AGBL1: variants seen among roughly 807,000 people sequenced by gnomAD.
AGBL1 encodes the protein cytosolic carboxypeptidase 4.
A neutral mutation model predicts 118.9 loss-of-function variants in AGBL1; 130 were observed. The observed-to-expected ratio is 1.09, with a 90% CI of 0.95 to 1.26. The LOEUF (loss-of-function observed/expected upper bound fraction) is 1.26. AGBL1 is among the 50% of genes most tolerant of loss of function. AGBL1 has a pLI of 0.00. For missense variants in AGBL1, 1,584 were observed against 1,298.1 expected (o/e 1.22, Z -3.38); for synonymous variants, 555 against 478.9 (o/e 1.16, Z -2.08).
intron 22 of AGBL1, among the ~76,000 whole-genome samples, chr15:86,897,110 C>T (rs946020337): frequency 2.0e-4 from 31 of 152,320 alleles, no homozygotes; most frequent in African/African-American, 7.2e-4. Context: ...ACTGACTCCA[C>T]AGTAGAGAAC....
intron 1 of AGBL1, among the ~76,000 whole-genome samples, chr15:86,139,319 A>G (rs2076930378): frequency 6.6e-6 from 1 of 152,098 alleles, no homozygotes; most frequent in Non-Finnish European, 1.5e-5. Flanking sequence ...CCTCTGTTAT[A>G]CAGATAGAGT....
At position 86,128,795 on chromosome 15, in the gene AGBL1, T is replaced by C. The variant is rs544712114; in HGVS notation, c.52-13209T>C. Among the ~76,000 whole-genome samples the C allele has an allele frequency of 3.3e-5, 5 of 152,324 alleles. No homozygotes were observed. The South Asian group carries it at 6.2e-4, about 19-fold the overall frequency. On this transcript the variant is annotated intron_variant, in intron 1 of 22. Coordinates refer to ENST00000614907, the MANE Select transcript of AGBL1 (RefSeq NM_001386094.1). Reference sequence around the variant, plus strand: ...GCAGAATGAAGGGAACTGGGGTATATGACAATTATAGCTATTAATCTTACC... The same window carrying C: ...GCAGAATGAAGGGAACTGGGGTATACGACAATTATAGCTATTAATCTTACC...
At chr15:86,951,155 TC>T (rs914003199) in intron 23 of AGBL1, among the ~76,000 whole-genome samples, 11 of 152,320 alleles carry the variant, frequency 7.2e-5, no homozygotes, top group Admixed American at 2.6e-4. Context: ...TTTAAATTTT[TC>T]TACCTTCATT....
intron 22 of AGBL1, among the ~76,000 whole-genome samples, chr15:86,674,788 CA>C (rs2085808902): frequency 6.6e-6 from 1 of 151,978 alleles, no homozygotes; most frequent in African/African-American, 2.4e-5. Context: ...CATTACTCAA[CA>C]AAAAACAATG....
At chr15:86,572,904 T>G (rs887131039) in intron 21 of AGBL1, among the ~76,000 whole-genome samples, 1 of 152,238 alleles carries the variant, frequency 6.6e-6, no homozygotes, top group African/African-American at 2.4e-5. Context: ...GTTCAAGTCT[T>G]CAACATTCTT....
chr15:86,650,770 G>A (rs894779030), intron 21 of AGBL1, among the ~76,000 whole-genome samples: 1 of 152,182 alleles, frequency 6.6e-6, no homozygotes, highest in Non-Finnish European at 1.5e-5. Context: ...ACTGTCTAGA[G>A]GCTTCTTTCC....
intron 21 of AGBL1, among the ~76,000 whole-genome samples, chr15:86,555,777 A>G (rs1415476303): frequency 6.6e-6 from 1 of 152,186 alleles, no homozygotes; most frequent in Admixed American, 6.5e-5. Context: ...GCAGATTTTA[A>G]TAAGGACTCC....
At chr15:86,083,527 C>A (rs1388099811) in intron 1 of AGBL1, 4 of 152,254 alleles carry the variant, frequency 2.6e-5, no homozygotes, top group South Asian at 2.1e-4. Context: ...TAGTTAACTT[C>A]TTTTCTCAAC....
At chr15:86,680,303 C>T (rs1438864854) in intron 22 of AGBL1, among the ~76,000 whole-genome samples, 2 of 152,014 alleles carry the variant, frequency 1.3e-5, no homozygotes, top group Non-Finnish European at 2.9e-5. Flanking sequence ...CAGAGAGCAC[C>T]TTAAAAGTAG....
At chr15:86,120,953 G>A (rs1898059992) in intron 1 of AGBL1, among the ~76,000 whole-genome samples, 1 of 151,152 alleles carries the variant, frequency 6.6e-6, no homozygotes, top group African/African-American at 2.4e-5. Flanking sequence ...CTGGAGTGCA[G>A]TGGCATGATC....
Position 86,897,795 on chromosome 15 carries a change from G to A in AGBL1, c.3159-9292G>A, listed in dbSNP as rs761803096. ...TTTTTTTTTTTTTTTTTTGAGACAG[G>A]GAATCACTCTGTCACCCAGGCTGAA... On this transcript the variant is annotated intron_variant, in intron 22 of 22. Coordinates refer to ENST00000614907, the MANE Select transcript of AGBL1 (RefSeq NM_001386094.1). Among the ~76,000 whole-genome samples, 5 of 123,356 alleles carry A rather than the reference G, an allele frequency of 4.1e-5. No individual in the cohort carries two copies. The Admixed American group carries it at 4.6e-4, about 11-fold the overall frequency. 80.9% of individuals were successfully genotyped at this position (123,356 alleles called of 152,430 possible).
chr15:86,864,664 C>A (rs2079600849), intron 22 of AGBL1, among the ~76,000 whole-genome samples: 1 of 152,134 alleles, frequency 6.6e-6, no homozygotes, highest in African/African-American at 2.4e-5. Context: ...TGTCATGACT[C>A]TTTCATGAAT....
chr15:86,800,070 C>G (rs1218363528), intron 22 of AGBL1, among the ~76,000 whole-genome samples: 4 of 151,990 alleles, frequency 2.6e-5, no homozygotes, highest in Admixed American at 2.0e-4. Flanking sequence ...CTTACAGCAG[C>G]CAATATCATG....
rs771574698 is a variant in AGBL1 at position 86,247,827 on chromosome 15, G to C, written c.683G>C (p.Arg228Thr). The change falls in exon 7 of 23, where the codon AGG becomes ACG. Residue 228 changes from arginine to threonine, a missense_variant. Physicochemically the swap from Arg to Thr is moderately conservative, Grantham distance 71. Coordinates refer to ENST00000614907, the MANE Select transcript of AGBL1 (RefSeq NM_001386094.1). The part of the protein sequence containing the change: ...LRHIAALRSG[R>T]EAFLAAQGME... ...CACATTGCTGCCCTCCGGTCCGGCA[G>C]GGAGGCCTTCCTGGCAGCACAGGGC... 4 of 1,613,872 alleles carry C rather than the reference G, an allele frequency of 2.5e-6. No individual in the cohort carries two copies. In the African/African-American group the frequency reaches 5.3e-5, roughly 22 times the overall value.
At chr15:86,811,973 C>A (rs548796374) in intron 22 of AGBL1, among the ~76,000 whole-genome samples, 23 of 152,130 alleles carry the variant, frequency 1.5e-4, no homozygotes, top group Admixed American at 3.3e-4. Flanking sequence ...AGAAAAATGC[C>A]TATCTCACTC....
chr15:87,020,302 C>A (rs2081651818), intron 24 of AGBL1, among the ~76,000 whole-genome samples: 2 of 152,096 alleles, frequency 1.3e-5, no homozygotes, highest in Non-Finnish European at 2.9e-5. Context: ...AATTCAACAT[C>A]CTGTCATGTT....
At chr15:86,323,508 C>T (rs2080136944) in intron 17 of AGBL1, among the ~76,000 whole-genome samples, 1 of 151,972 alleles carries the variant, frequency 6.6e-6, no homozygotes, top group Non-Finnish European at 1.5e-5. Flanking sequence ...ATAAATGGTC[C>T]ATCCACTATC....
intron 17 of AGBL1, among the ~76,000 whole-genome samples, chr15:86,393,219 C>T (rs2081313782): frequency 1.3e-5 from 2 of 152,172 alleles, no homozygotes; most frequent in Admixed American, 1.3e-4. Context: ...CAACTTGACT[C>T]TCCAATGGAA....
chr15:86,690,252 T>C (rs1313183477), intron 22 of AGBL1, among the ~76,000 whole-genome samples: 1 of 152,190 alleles, frequency 6.6e-6, no homozygotes, highest in African/African-American at 2.4e-5. Context: ...TATTAATCTC[T>C]GATACTACAA....
Sources: allele counts gnomAD v4.1 joint callset (sites outside exome capture counted in the v4.1 genomes callset), GRCh38; gene constraint gnomAD v4.1.1; transcripts MANE v1.5; gene names NCBI Gene and HGNC (gene_info 2026-07-23, HGNC 2026-07-21).